PXDNL: variants seen among roughly 807,000 people sequenced by gnomAD.
PXDNL encodes peroxidasin like, also known as probable oxidoreductase PXDNL.
Under a neutral mutation model 150.8 loss-of-function variants are expected in PXDNL, and 145 were observed. That is an observed-to-expected ratio of 0.96 (90% CI 0.84 to 1.10). The LOEUF (loss-of-function observed/expected upper bound fraction) is 1.10, where lower values mean the gene tolerates loss of function less well. Ranked by LOEUF, PXDNL falls within the 50% of genes least tolerant of loss-of-function variation. The probability of loss-of-function intolerance (pLI) is 0.00; values close to 1 mark genes in which losing one functional copy is unlikely to be tolerated. For missense variants in PXDNL, 2,087 were observed against 1,873.9 expected, an observed-to-expected ratio of 1.11 and a Z score of -2.10; for synonymous variants, 757 against 725.7, an observed-to-expected ratio of 1.04 and a Z score of -0.69.
intron 2 of PXDNL, among the ~76,000 whole-genome samples, chr8:51,594,517 A>G (rs1813520610): frequency 6.6e-6 from 1 of 152,204 alleles, no homozygotes; most frequent in Admixed American, 6.5e-5. Flanking sequence ...TTTTAGAGTT[A>G]TTTAAATTTT....
intron 1 of PXDNL, among the ~76,000 whole-genome samples, chr8:51,658,252 AG>A (rs1815192836): frequency 6.6e-6 from 1 of 151,348 alleles, no homozygotes; most frequent in African/African-American, 2.4e-5. Flanking sequence ...CGAGGTGGGA[AG>A]ATCGCTTGGG....
intron 11 of PXDNL, 115 bp from the exon 12 acceptor site, chr8:51,447,277 G>A: frequency 9.5e-7 from 1 of 1,054,888 alleles, no homozygotes; most frequent in Non-Finnish European, 1.4e-6. Flanking sequence ...TCGGTGCTAG[G>A]GTGTACTGTG....
At chr8:51,451,473 C>T (rs1268713113) in intron 10 of PXDNL, among the ~76,000 whole-genome samples, 1 of 152,170 alleles carries the variant, frequency 6.6e-6, no homozygotes, top group African/African-American at 2.4e-5. Flanking sequence ...ACCTCCAGTG[C>T]TAAAATAGCA....
chr8:51,717,884 C>T (rs1816649196), intron 1 of PXDNL, among the ~76,000 whole-genome samples: 2 of 152,210 alleles, frequency 1.3e-5, no homozygotes, highest in Non-Finnish European at 1.5e-5. Flanking sequence ...AGTCAGCTGC[C>T]ACTCCCTGGC....
At chr8:51,618,791 T>C (rs1449651369) in intron 2 of PXDNL, among the ~76,000 whole-genome samples, 1 of 152,178 alleles carries the variant, frequency 6.6e-6, no homozygotes, top group Non-Finnish European at 1.5e-5. Context: ...AGAAACATAA[T>C]AACACCTTCC....
chr8:51,761,562 G>A (rs936191205), intron 1 of PXDNL, among the ~76,000 whole-genome samples: 2 of 152,074 alleles, frequency 1.3e-5, no homozygotes, highest in South Asian at 2.1e-4. Flanking sequence ...CATATATAAC[G>A]TATATTTACA....
At chr8:51,399,122 A>T (rs1808172621) in intron 17 of PXDNL, among the ~76,000 whole-genome samples, 1 of 152,212 alleles carries the variant, frequency 6.6e-6, no homozygotes. Flanking sequence ...AGTCTTCTAC[A>T]CTGCCAGTGG....
Position 51,423,738 on chromosome 8 carries a change from A to G in PXDNL, c.1639-7T>C. Reference sequence around the variant, plus strand: ...CAGTAATCTGCACACCTTCCTAGGGAGCAAAAAAGAGTTGCCACTGAATGA... The same window carrying G: ...CAGTAATCTGCACACCTTCCTAGGGGGCAAAAAAGAGTTGCCACTGAATGA... On this transcript the variant is annotated splice_region_variant and splice_polypyrimidine_tract_variant and intron_variant, in intron 13 of 22. Transcript: ENST00000356297. The G allele has an allele frequency of 1.2e-6, 2 of 1,602,846 alleles. No individual in the cohort carries two copies. The highest frequency in any genetic ancestry group is 1.7e-5 in the Admixed American group (1 of 57,276).
intron 2 of PXDNL, among the ~76,000 whole-genome samples, chr8:51,614,002 CT>C (rs535261680): frequency 4.4e-4 from 67 of 152,338 alleles, no homozygotes; most frequent in African/African-American, 1.5e-3. Context: ...TGATTCTGCA[CT>C]GCTTGTCGCA....
At chr8:51,757,353 G>A (rs1436642290) in intron 1 of PXDNL, among the ~76,000 whole-genome samples, 2 of 152,176 alleles carry the variant, frequency 1.3e-5, no homozygotes, top group Non-Finnish European at 2.9e-5. Flanking sequence ...ATCAGCTTCT[G>A]TAAGACAGCA....
chr8:51,380,929 A>G (rs1807513418), intron 17 of PXDNL, among the ~76,000 whole-genome samples: 1 of 152,218 alleles, frequency 6.6e-6, no homozygotes, highest in Non-Finnish European at 1.5e-5. Context: ...GTCCTAAATT[A>G]TATCAACACT....
Position 51,556,803 on chromosome 8 carries a change from C to A in PXDNL, c.380+37G>T, listed in dbSNP as rs1212890241. 5 of 1,107,568 alleles carry A rather than the reference C, an allele frequency of 4.5e-6. No individual in the cohort carries two copies. The African/African-American group carries it at 6.2e-5, about 14-fold the overall frequency. 68.6% of individuals were successfully genotyped at this position (1,107,568 alleles called of 1,614,324 possible). ...AAAAAGCTGTCTATTTGAACTGTCA[C>A]CATGAGTGATTTAATAAAAAAGTTT... is the stretch of plus-strand genomic sequence containing the variant. On this transcript the variant is annotated intron_variant, in intron 4 of 22. Coordinates refer to ENST00000356297, the MANE Select transcript of PXDNL (RefSeq NM_144651.5).
At chr8:51,802,267 T>C (rs2037629291) in intron 1 of PXDNL, among the ~76,000 whole-genome samples, 1 of 152,138 alleles carries the variant, frequency 6.6e-6, no homozygotes, top group Admixed American at 6.6e-5. Context: ...GAAGAATCAC[T>C]GGAGAAGACC....
At chr8:51,569,732 C>T (rs1029848380) in intron 3 of PXDNL, among the ~76,000 whole-genome samples, 1 of 151,622 alleles carries the variant, frequency 6.6e-6, no homozygotes, top group Non-Finnish European at 1.5e-5. Flanking sequence ...GAAGATAATT[C>T]TATATAAGAA....
intron 2 of PXDNL, among the ~76,000 whole-genome samples, chr8:51,603,882 G>A (rs968813424): frequency 1.3e-5 from 2 of 152,018 alleles, no homozygotes; most frequent in Non-Finnish European, 2.9e-5. Flanking sequence ...AGGAAACAGG[G>A]CAGTGACAAA....
intron 19 of PXDNL, among the ~76,000 whole-genome samples, chr8:51,361,244 T>C (rs1046872314): frequency 2.0e-5 from 3 of 152,216 alleles, no homozygotes; most frequent in Non-Finnish European, 4.4e-5. Flanking sequence ...GGATCTGATA[T>C]TAACTGGCTT....
chr8:51,621,613 A>T (rs1168396945), intron 2 of PXDNL, among the ~76,000 whole-genome samples: 2 of 152,100 alleles, frequency 1.3e-5, no homozygotes, highest in Admixed American at 1.3e-4. Context: ...ATGAGATATC[A>T]TGCCTGTGAC....
chr8:51,418,556 G>A (rs1483109295), intron 14 of PXDNL, among the ~76,000 whole-genome samples: 1 of 152,178 alleles, frequency 6.6e-6, no homozygotes, highest in African/African-American at 2.4e-5. Flanking sequence ...ATAGTGAATT[G>A]TTTATACAGA....
At chr8:51,559,423 C>T (rs1302349388) in intron 3 of PXDNL, among the ~76,000 whole-genome samples, 1 of 149,284 alleles carries the variant, frequency 6.7e-6, no homozygotes, top group Non-Finnish European at 1.5e-5. Context: ...TTCCCGTTTC[C>T]CATAGGATAA....
Sources: gnomAD v4.1 joint callset for allele counts (sites outside exome capture counted in the v4.1 genomes callset) on GRCh38, gnomAD v4.1.1 for gene constraint, MANE v1.5 for transcripts, NCBI Gene and HGNC (gene_info 2026-07-23, HGNC 2026-07-21) for gene names.